Variants in CADPS observed in about 807,000 individuals in gnomAD.
CADPS encodes calcium-dependent secretion activator 1.
Under a neutral mutation model 167.3 loss-of-function variants are expected in CADPS, and 57 were observed. The ratio of observed to expected loss-of-function variants is 0.34; its 90% confidence interval spans 0.28 to 0.42. The LOEUF is 0.42. Ranked by LOEUF, CADPS falls within the 20% of genes least tolerant of loss-of-function variation. The pLI, the probability that CADPS is intolerant of heterozygous loss-of-function variation, is 1.00. For missense variants in CADPS, 1,414 were observed against 1,738.1 expected, an observed-to-expected ratio of 0.81 and a Z score of 3.32; for synonymous variants, 676 against 635.3, an observed-to-expected ratio of 1.06 and a Z score of -0.96.
chr3:62,650,917 A>G lies in CADPS; in HGVS notation c.1133T>C (p.Ile378Thr). 6.2e-7 allele frequency: 1 copy of G among 1,614,086 alleles called. No individual in the cohort carries two copies. ...QKLKRSHNAS[I>T]IDMGEESENQ... is the part of the protein sequence containing the mutation. ...CTCACTCTCCTCGCCCATGTCGATG[A>G]TGGAAGCATTGTGGCTGCGTTTGAG... The change falls in exon 5 of 30, where the codon ATC becomes ACC. Residue 378 changes from isoleucine to threonine, a missense_variant. By Grantham distance (89) the Ile-to-Thr change is moderately conservative (BLOSUM62 -1). Around this residue, in one of 6 missense-constraint regions of CADPS, gnomAD observed 522 missense variants for 559.5 expected, o/e 0.93. Transcript: ENST00000383710.
At chr3:62,662,796 CA>C (rs1181681834) in intron 3 of CADPS, among the ~76,000 whole-genome samples, 5 of 152,280 alleles carry the variant, frequency 3.3e-5, no homozygotes, top group Admixed American at 3.3e-4. Flanking sequence ...ATCCCCAGTG[CA>C]CACATGGCAC....
intron 6 of CADPS, among the ~76,000 whole-genome samples, chr3:62,597,848 C>A (rs1230831410): frequency 6.6e-6 from 1 of 152,248 alleles, no homozygotes; most frequent in East Asian, 1.9e-4. Flanking sequence ...AACTATTTAA[C>A]TATCAGATTT....
At chr3:62,867,908 T>A (rs1378688497) in intron 1 of CADPS, among the ~76,000 whole-genome samples, 1 of 152,050 alleles carries the variant, frequency 6.6e-6, no homozygotes, top group Admixed American at 6.6e-5. Flanking sequence ...TCAGAGAGGT[T>A]AATTGTCTAA....
chr3:62,607,816 G>A (rs974261771), intron 6 of CADPS, among the ~76,000 whole-genome samples: 3 of 152,174 alleles, frequency 2.0e-5, no homozygotes, highest in African/African-American at 7.2e-5. Context: ...ACTGGCTTGT[G>A]GGTTTGGTCT....
At chr3:62,522,213 T>C (rs2070828911) in intron 13 of CADPS, among the ~76,000 whole-genome samples, 1 of 152,302 alleles carries the variant, frequency 6.6e-6, no homozygotes, top group Admixed American at 6.5e-5. Context: ...CTCTGTTCAC[T>C]GCAGCATTGA....
At chr3:62,627,759 G>A (rs907129444) in intron 6 of CADPS, among the ~76,000 whole-genome samples, 9 of 151,990 alleles carry the variant, frequency 5.9e-5, no homozygotes, top group African/African-American at 1.9e-4. Context: ...CATCATGCTC[G>A]CTCGAGTCTG....
intron 28 of CADPS, among the ~76,000 whole-genome samples, chr3:62,435,871 G>A (rs73840187): frequency 0.019 from 2,935 of 152,140 alleles, 89 homozygotes; most frequent in African/African-American, 0.066. Context: ...CAAGGGACTG[G>A]AGTTACTTGT....
intron 4 of CADPS, among the ~76,000 whole-genome samples, chr3:62,658,074 T>A (rs1043701169): frequency 2.0e-5 from 3 of 152,020 alleles, no homozygotes; most frequent in Non-Finnish European, 4.4e-5. Context: ...GAGTGAAGAA[T>A]TGGGGGAGTC....
intron 3 of CADPS, among the ~76,000 whole-genome samples, chr3:62,752,780 C>T (rs2082978661): frequency 6.6e-6 from 1 of 152,208 alleles, no homozygotes; most frequent in Non-Finnish European, 1.5e-5. Context: ...GTAAGAATTT[C>T]AGACTGCAAA....
intron 26 of CADPS, among the ~76,000 whole-genome samples, chr3:62,448,349 G>A (rs989234334): frequency 3.3e-5 from 5 of 152,104 alleles, no homozygotes; most frequent in African/African-American, 9.7e-5. Flanking sequence ...GTTACAATCC[G>A]GAGAATGACA....
chr3:62,731,090 T>A (rs1179503820), intron 3 of CADPS, among the ~76,000 whole-genome samples: 1 of 152,192 alleles, frequency 6.6e-6, no homozygotes, highest in Non-Finnish European at 1.5e-5. Context: ...GAGGTCTTGG[T>A]GAGTGGGTGT....
At chr3:62,680,345 T>C (rs2076958698) in intron 3 of CADPS, among the ~76,000 whole-genome samples, 2 of 152,012 alleles carry the variant, frequency 1.3e-5, no homozygotes, top group Non-Finnish European at 2.9e-5. Context: ...ACCATACAGA[T>C]GAAGTGAACA....
At chr3:62,687,072 G>A (rs1045899347) in intron 3 of CADPS, among the ~76,000 whole-genome samples, 5 of 152,230 alleles carry the variant, frequency 3.3e-5, no homozygotes, top group South Asian at 2.1e-4. Flanking sequence ...CACAAGCATG[G>A]GTTTCTTCCT....
intron 13 of CADPS, among the ~76,000 whole-genome samples, chr3:62,525,118 A>G (rs1448349365): frequency 6.6e-6 from 1 of 152,158 alleles, no homozygotes; most frequent in African/African-American, 2.4e-5. Context: ...GAATTTTAAG[A>G]GGAAAAACAC....
At chr3:62,424,094 A>T (rs749133098) in intron 28 of CADPS, among the ~76,000 whole-genome samples, 2 of 152,146 alleles carry the variant, frequency 1.3e-5, no homozygotes, top group Non-Finnish European at 2.9e-5. Context: ...GCTGACAAAC[A>T]CTGTAGCCCC....
At chr3:62,843,305 A>C (rs1473347359) in intron 1 of CADPS, among the ~76,000 whole-genome samples, 2 of 152,240 alleles carry the variant, frequency 1.3e-5, no homozygotes, top group African/African-American at 4.8e-5. Context: ...CTTTGTTTAT[A>C]ACTAAAGCCA....
intron 6 of CADPS, among the ~76,000 whole-genome samples, chr3:62,611,196 G>C (rs1244700812): frequency 6.6e-6 from 1 of 152,088 alleles, no homozygotes; most frequent in Non-Finnish European, 1.5e-5. Flanking sequence ...TTTTCTGAAG[G>C]CTTCCTCAGG....
intron 23 of CADPS, among the ~76,000 whole-genome samples, chr3:62,477,487 C>T (rs2061477321): frequency 6.6e-6 from 1 of 152,140 alleles, no homozygotes; most frequent in South Asian, 2.1e-4. Context: ...CTACTACTCT[C>T]ATTCTTCATT....
chr3:62,857,398 A>G (rs941197416), intron 1 of CADPS, among the ~76,000 whole-genome samples: 4 of 152,070 alleles, frequency 2.6e-5, no homozygotes, highest in African/African-American at 9.6e-5. Context: ...AAAGACACAT[A>G]TATTTGAAGA....
Sources: gnomAD v4.1 joint callset for allele counts (sites outside exome capture counted in the v4.1 genomes callset) on GRCh38, gnomAD v4.1.1 for gene constraint, gnomAD v4.1.1 regional missense constraint, MANE v1.5 for transcripts, NCBI Gene and HGNC (gene_info 2026-07-23, HGNC 2026-07-21) for gene names.